ARMC2: variants seen among roughly 807,000 people sequenced by gnomAD.
ARMC2 encodes armadillo repeat-containing protein 2.
ARMC2 carries 67 observed loss-of-function variants against 90.3 expected under a neutral mutation model. The observed-to-expected ratio is 0.74, with a 90% confidence interval of 0.61 to 0.91. ARMC2 has a LOEUF of 0.91. Among genes scored for constraint, ARMC2 ranks in the 40% least tolerant of loss-of-function variants. The probability of loss-of-function intolerance (pLI) is 0.00; values close to 1 mark genes in which losing one functional copy is unlikely to be tolerated. For synonymous variants in ARMC2, 393 were observed against 393.0 expected (o/e 1.00, Z 0.00); for missense variants, 920 against 1,030.9 (o/e 0.89, Z 1.47).
chr6:108,880,754 TC>T (rs1777448624), intron 5 of ARMC2, among the ~76,000 whole-genome samples: 1 of 119,466 alleles, frequency 8.4e-6, no homozygotes, highest in East Asian at 2.4e-4. Context: ...CTTCCTTCCT[TC>T]CCCCTTTCCG....
chr6:108,908,906 C>T (rs1051858252), intron 8 of ARMC2, among the ~76,000 whole-genome samples: 40 of 151,548 alleles, frequency 2.6e-4, no homozygotes, highest in Non-Finnish European at 1.6e-4. Context: ...CCTGTCTCTA[C>T]TAAAAATGCA....
the ARMC2 span, chr6:108,988,676 T>C: frequency 6.2e-7 from 1 of 1,605,982 alleles, no homozygotes; most frequent in Non-Finnish European, 8.5e-7. Flanking sequence ...ACCATAGTCA[T>C]AATCATCATA....
intron 16 of ARMC2, 22 bp from the exon 17 acceptor site, chr6:108,964,958 A>C (rs1446591073): frequency 1.3e-6 from 2 of 1,559,552 alleles, no homozygotes; most frequent in South Asian, 2.3e-5. Flanking sequence ...ATAACTTCTC[A>C]ATTTGAATTT....
chr6:108,994,140 TAAA>T, the ARMC2 span, among the ~76,000 whole-genome samples: 12 of 100,252 alleles, frequency 1.2e-4, no homozygotes, highest in Admixed American at 8.8e-4. Flanking sequence ...CCCTGTTTCT[TAAA>T]AAAAAAAAAA....
intron 7 of ARMC2, among the ~76,000 whole-genome samples, chr6:108,903,153 G>A (rs1772320950): frequency 6.6e-6 from 1 of 152,180 alleles, no homozygotes; most frequent in Non-Finnish European, 1.5e-5. Flanking sequence ...GGGTGACAGA[G>A]TGAGACTCCA....
chr6:109,007,278 T>C, the ARMC2 span, among the ~76,000 whole-genome samples: 1 of 152,242 alleles, frequency 6.6e-6, no homozygotes, highest in African/African-American at 2.4e-5. Flanking sequence ...TGAAAAGTAC[T>C]GTTCCAGTCA....
At chr6:108,889,069 ATGCC>A (rs1342031987) in intron 5 of ARMC2, among the ~76,000 whole-genome samples, 9 of 152,116 alleles carry the variant, frequency 5.9e-5, no homozygotes, top group Non-Finnish European at 1.3e-4. Flanking sequence ...CAGTCTGCTT[ATGCC>A]TGTCTTTATT....
rs192753163 is a variant in ARMC2, at chr6:108,874,893, C to T, written c.464-1250C>T. Reference sequence around the variant, plus strand: ...GGTTCCTTTCAGTTTTAAAATTTAGCGTTTTGAAAGCAGGGAGTTTGGTCA... The same window carrying T: ...GGTTCCTTTCAGTTTTAAAATTTAGTGTTTTGAAAGCAGGGAGTTTGGTCA... On this transcript the variant is annotated intron_variant, in intron 4 of 17. Coordinates refer to ENST00000392644, the MANE Select transcript of ARMC2 (RefSeq NM_032131.6). 2.5e-4 allele frequency among the ~76,000 whole-genome samples: 37 copies of T among 150,014 alleles called. No individual in the cohort carries two copies. In the East Asian group the frequency reaches 6.0e-3, roughly 24 times the overall value.
chr6:108,973,163 C>CAAATA (rs1189223455), intron 17 of ARMC2, among the ~76,000 whole-genome samples, 194 bp from the exon 18 acceptor site: 5 of 151,872 alleles, frequency 3.3e-5, no homozygotes, highest in East Asian at 3.9e-4. Flanking sequence ...CCTGCCTCTC[C>CAAATA]AAATAAAATA....
intron 11 of ARMC2, among the ~76,000 whole-genome samples, chr6:108,930,704 C>T (rs1048124458): frequency 6.8e-6 from 1 of 146,930 alleles, no homozygotes; most frequent in East Asian, 2.0e-4. Flanking sequence ...TCATGCCATT[C>T]TCCTGCCTCA....
At chr6:108,998,795 G>T in the ARMC2 span, 2 of 1,573,248 alleles carry the variant, frequency 1.3e-6, no homozygotes, top group East Asian at 2.3e-5. Context: ...TTTGTACTGG[G>T]GTGTGGTAAA....
At chr6:109,035,727 A>G in the ARMC2 span, among the ~76,000 whole-genome samples, 11 of 152,080 alleles carry the variant, frequency 7.2e-5, no homozygotes, top group African/African-American at 2.7e-4. Flanking sequence ...TAGCCTCCCC[A>G]GTAGCTGGGA....
the ARMC2 span, chr6:108,988,793 G>A: frequency 1.1e-5 from 10 of 888,034 alleles, no homozygotes; most frequent in Admixed American, 1.1e-4. Flanking sequence ...TTCTCTCTTT[G>A]TGTAGGCAGC....
At chr6:108,869,029 A>T in intron 4 of ARMC2, 34 bp downstream of exon 4, 3 of 1,548,232 alleles carry the variant, frequency 1.9e-6, no homozygotes, top group South Asian at 1.2e-5. Context: ...ATCTCTGGGG[A>T]CAGGCATGCT....
At chr6:108,917,350 G>T (rs1289451869) in intron 10 of ARMC2, among the ~76,000 whole-genome samples, 1 of 151,878 alleles carries the variant, frequency 6.6e-6, no homozygotes, top group Non-Finnish European at 1.5e-5. Flanking sequence ...CCACTGTCAT[G>T]TTCTTCCTTT....
chr6:108,906,998 T>C (rs765147159), intron 8 of ARMC2, among the ~76,000 whole-genome samples: 69 of 152,174 alleles, frequency 4.5e-4, no homozygotes, highest in Non-Finnish European at 9.1e-4. Context: ...AATGTAAGAT[T>C]TTATTATCTT....
At chr6:109,036,169 G>A in the ARMC2 span, among the ~76,000 whole-genome samples, 6 of 152,246 alleles carry the variant, frequency 3.9e-5, no homozygotes, top group South Asian at 1.2e-3. Flanking sequence ...GGGAGGGAGT[G>A]TTGTTGGAAT....
At chr6:108,993,277 A>AT in the ARMC2 span, among the ~76,000 whole-genome samples, 1 of 150,640 alleles carries the variant, frequency 6.6e-6, no homozygotes, top group Non-Finnish European at 1.5e-5. Flanking sequence ...CACTTAGATT[A>AT]TTTTTGTTGA....
the ARMC2 span, among the ~76,000 whole-genome samples, chr6:109,016,520 G>A: frequency 0.17 from 25,655 of 152,056 alleles, 2,585 homozygotes; most frequent in Non-Finnish European, 0.23. Flanking sequence ...ACAAGTACAA[G>A]GCCAAATCTG....
Sources: gnomAD v4.1 joint callset for allele counts (sites outside exome capture counted in the v4.1 genomes callset) on GRCh38, gnomAD v4.1.1 for gene constraint, MANE v1.5 for transcripts, NCBI Gene and HGNC (gene_info 2026-07-23, HGNC 2026-07-21) for gene names.